The following EIF3H variants were observed in gnomAD, a reference collection of about 807,000 sequenced individuals.
EIF3H encodes the protein eukaryotic translation initiation factor 3 subunit H.
A neutral mutation model predicts 44.2 loss-of-function variants in EIF3H; 26 were observed. The ratio of observed to expected loss-of-function variants is 0.59; its 90% CI spans 0.43 to 0.82. The LOEUF is 0.82. Among genes scored for constraint, EIF3H ranks in the 40% least tolerant of loss-of-function variants. EIF3H has a pLI of 0.00. For missense variants in EIF3H, 359 were observed against 432.8 expected (o/e 0.83, Z 1.51); for synonymous variants, 166 against 151.9 (o/e 1.09, Z -0.68).
At chr8:116,693,737 C>T (rs1276468843) in intron 2 of EIF3H, among the ~76,000 whole-genome samples, 1 of 151,910 alleles carries the variant, frequency 6.6e-6, no homozygotes, top group Non-Finnish European at 1.5e-5. Flanking sequence ...GGCTGGAATA[C>T]AGTGACATGG....
intron 1 of EIF3H, among the ~76,000 whole-genome samples, chr8:116,752,728 GAA>G (rs1563663029): frequency 2.0e-4 from 23 of 115,550 alleles, no homozygotes; most frequent in Non-Finnish European, 3.5e-4. Context: ...AAGAAAGAAA[GAA>G]AGAAGAGAAA....
At chr8:116,735,172 C>G (rs1344130348) in intron 1 of EIF3H, among the ~76,000 whole-genome samples, 2 of 152,096 alleles carry the variant, frequency 1.3e-5, no homozygotes, top group Non-Finnish European at 2.9e-5. Flanking sequence ...TGCAGCCATG[C>G]CCCAAAATAC....
chr8:116,751,489 A>G (rs1815343095), intron 1 of EIF3H, among the ~76,000 whole-genome samples: 1 of 152,196 alleles, frequency 6.6e-6, no homozygotes, highest in Non-Finnish European at 1.5e-5. Flanking sequence ...AGATAGTTAC[A>G]GGCTGTGGAA....
chr8:116,695,067 CTTTTTTTTTTTT>C, intron 2 of EIF3H, among the ~76,000 whole-genome samples: 1 of 133,562 alleles, frequency 7.5e-6, no homozygotes. Context: ...CTTCCTAATT[CTTTTTTTTTTTT>C]TTTTTTTGAG....
intron 1 of EIF3H, among the ~76,000 whole-genome samples, chr8:116,753,281 C>A (rs1001955653): frequency 6.6e-6 from 1 of 152,098 alleles, no homozygotes; most frequent in African/African-American, 2.4e-5. Flanking sequence ...TACCCACCAC[C>A]GTGAATAAGA....
chr8:116,729,718 T>G (rs1814919538), intron 1 of EIF3H, among the ~76,000 whole-genome samples: 1 of 152,154 alleles, frequency 6.6e-6, no homozygotes, highest in Non-Finnish European at 1.5e-5. Context: ...AGAGAAAGCT[T>G]AAAATCCTGT....
intron 1 of EIF3H, among the ~76,000 whole-genome samples, chr8:116,727,673 T>TA (rs1244883897): frequency 5.9e-5 from 9 of 152,232 alleles, no homozygotes. Flanking sequence ...CAAAGCATAC[T>TA]AAATGGCAAT....
chr8:116,737,383 C>T (rs2130950726), intron 1 of EIF3H: 1 of 402,848 alleles, frequency 2.5e-6, no homozygotes, highest in African/African-American at 2.1e-5. Flanking sequence ...GGGCTGGGCG[C>T]AGTGGCTTGT....
chr8:116,652,762 TA>T (rs1032254436), intron 5 of EIF3H, among the ~76,000 whole-genome samples: 3 of 149,846 alleles, frequency 2.0e-5, no homozygotes, highest in Non-Finnish European at 4.5e-5. Flanking sequence ...AATGAGCCTA[TA>T]AAGATTGAAA....
chr8:116,737,394 G>A (rs1815060249), intron 1 of EIF3H: 3 of 390,944 alleles, frequency 7.7e-6, no homozygotes, highest in African/African-American at 2.1e-5. Flanking sequence ...AGTGGCTTGT[G>A]CCTGTAATCC....
chr8:116,656,343 CA>C (rs1307174019), intron 4 of EIF3H, among the ~76,000 whole-genome samples: 1 of 152,168 alleles, frequency 6.6e-6, no homozygotes, highest in Non-Finnish European at 1.5e-5. Flanking sequence ...CCTACACCTA[CA>C]ACTTAATTTA....
intron 1 of EIF3H, among the ~76,000 whole-genome samples, chr8:116,744,214 T>TAAAAAAA (rs66854303): frequency 7.1e-6 from 1 of 141,262 alleles, no homozygotes. Flanking sequence ...TAGAAAGTAT[T>TAAAAAAA]AAAAAAAAAA....
intron 2 of EIF3H, among the ~76,000 whole-genome samples, chr8:116,720,925 A>T (rs1449644875): frequency 3.3e-5 from 5 of 152,144 alleles, no homozygotes; most frequent in Non-Finnish European, 7.3e-5. Flanking sequence ...AAAGGGAAAC[A>T]GAGTATAAAA....
intron 2 of EIF3H, among the ~76,000 whole-genome samples, chr8:116,670,671 G>C (rs1451439022): frequency 6.6e-6 from 1 of 152,176 alleles, no homozygotes; most frequent in Non-Finnish European, 1.5e-5. Flanking sequence ...TTGGGGGAAA[G>C]TTAGTCTCTA....
chr8:116,748,109 G>C (rs1815268608), intron 1 of EIF3H, among the ~76,000 whole-genome samples: 1 of 151,490 alleles, frequency 6.6e-6, no homozygotes, highest in African/African-American at 2.4e-5. Context: ...CCAAGATCAT[G>C]CCATTGCACT....
At chr8:116,751,454 AGGAAAAC>A (rs1815342229) in intron 1 of EIF3H, among the ~76,000 whole-genome samples, 3 of 152,314 alleles carry the variant, frequency 2.0e-5, no homozygotes, top group Admixed American at 1.3e-4. Context: ...CATTCTGATG[AGGAAAAC>A]AAAGAAGAAA....
intron 2 of EIF3H, among the ~76,000 whole-genome samples, chr8:116,715,882 G>A (rs1814652334): frequency 8.0e-6 from 1 of 124,700 alleles, no homozygotes; most frequent in African/African-American, 2.5e-5. Context: ...ATTTTAGTAT[G>A]AGTTTTTCTA....
chr8:116,654,100 G>A (rs767629549), intron 5 of EIF3H, among the ~76,000 whole-genome samples: 43 of 152,318 alleles, frequency 2.8e-4, no homozygotes, highest in Non-Finnish European at 5.3e-4. Flanking sequence ...TTCAATGTAA[G>A]TGTCTACTAG....
chr8:116,675,084 A>C (rs1813823845), intron 2 of EIF3H, among the ~76,000 whole-genome samples: 1 of 147,692 alleles, frequency 6.8e-6, no homozygotes, highest in Non-Finnish European at 1.5e-5. Context: ...ATCTATCCTC[A>C]AAAACTTTAT....
Sources: gnomAD v4.1 joint callset for allele counts (sites outside exome capture counted in the v4.1 genomes callset) on GRCh38, gnomAD v4.1.1 for gene constraint, MANE v1.5 for transcripts, NCBI Gene and HGNC (gene_info 2026-07-23, HGNC 2026-07-21) for gene names.